Variants in TMPRSS4 observed in about 807,000 individuals in gnomAD.
TMPRSS4 encodes the protein transmembrane serine protease 4.
TMPRSS4 carries 45 observed loss-of-function variants against 56.4 expected under a neutral mutation model. That is an observed-to-expected ratio of 0.80 (90% CI 0.63 to 1.02). The LOEUF (loss-of-function observed/expected upper bound fraction) is 1.02, where lower values mean the gene tolerates loss of function less well. Ranked by LOEUF, TMPRSS4 falls within the 50% of genes least tolerant of loss-of-function variation. The pLI is 0.00. For missense variants in TMPRSS4, 546 were observed against 556.7 expected, an observed-to-expected ratio of 0.98 and a Z score of 0.19; for synonymous variants, 205 against 211.0, an observed-to-expected ratio of 0.97 and a Z score of 0.25.
chr11:118,122,715 C>CA (rs1177238182), downstream of TMPRSS4, among the ~76,000 whole-genome samples: 1 of 152,096 alleles, frequency 6.6e-6, no homozygotes, highest in Non-Finnish European at 1.5e-5. Context: ...GACAGGAAGC[C>CA]ATCATTGGCA....
chr11:118,094,982 C>T, intron 2 of TMPRSS4, 127 bp downstream of exon 2: 1 of 946,202 alleles, frequency 1.1e-6, no homozygotes, highest in South Asian at 1.4e-5. Context: ...TGAGTGACAT[C>T]CAGTCACCCG....
At chr11:118,085,623 G>T (rs10892210) in intron 1 of TMPRSS4, among the ~76,000 whole-genome samples, 53,608 of 152,038 alleles carry the variant, frequency 0.35, 9,952 homozygotes, top group South Asian at 0.52. Flanking sequence ...TGGATGGCAG[G>T]TCCTCAGTTC....
chr11:118,084,265 C>T (rs78081857), intron 1 of TMPRSS4, among the ~76,000 whole-genome samples: 2,545 of 152,272 alleles, frequency 0.017, 99 homozygotes, highest in East Asian at 0.16. Flanking sequence ...CAGGATTCCA[C>T]GGCCTGTGCT....
chr11:118,114,787 T>C lies in TMPRSS4; in HGVS notation c.911-42T>C, dbSNP rs911589448. The C allele has an allele frequency of 3.3e-6, 5 of 1,530,186 alleles. No homozygotes were observed. In the African/African-American group the frequency reaches 4.1e-5, roughly 13 times the overall value. The allele number at this position is 1,530,186 out of a possible 1,614,324, so 94.8% of individuals were successfully genotyped here. A position where few individuals can be genotyped will look rare whatever the true frequency, so the allele number is the denominator to read the frequency against. On this transcript the variant is annotated intron_variant, in intron 9 of 12. Coordinates refer to ENST00000437212, the MANE Select transcript of TMPRSS4 (RefSeq NM_019894.4). ...ATAATTTACAGAAAATTAACACTTA[T>C]GATGAATAAAAGATCTCCTTCTTCC... is the stretch of plus-strand genomic sequence containing the variant.
chr11:118,112,970 T>C (rs1464903027), intron 8 of TMPRSS4, among the ~76,000 whole-genome samples: 4 of 151,990 alleles, frequency 2.6e-5, no homozygotes, highest in African/African-American at 9.7e-5. Context: ...TGAGAAAGGT[T>C]GGAGGAGAGA....
chr11:118,117,512 G>A (rs1431851227), intron 12 of TMPRSS4, 58 bp downstream of exon 12: 2 of 1,550,836 alleles, frequency 1.3e-6, no homozygotes, highest in East Asian at 2.3e-5. Flanking sequence ...CCTGGGGGGT[G>A]CCAATCCATC....
chr11:118,101,174 G>A (rs1229569094), intron 3 of TMPRSS4, among the ~76,000 whole-genome samples: 1 of 152,150 alleles, frequency 6.6e-6, no homozygotes, highest in Non-Finnish European at 1.5e-5. Context: ...GTGTGCCCTG[G>A]GAAAATAAAG....
At chr11:118,112,337 C>T (rs1947316491) in intron 8 of TMPRSS4, among the ~76,000 whole-genome samples, 1 of 149,124 alleles carries the variant, frequency 6.7e-6, no homozygotes, top group Admixed American at 6.7e-5. Context: ...ACAGAGAAGC[C>T]TGGCCTTACC....
chr11:118,103,253 G>A lies in TMPRSS4; in HGVS notation c.310G>A (p.Val104Ile). The change falls in exon 4 of 13, where the codon GTC becomes ATC. Residue 104 changes from valine (V) to isoleucine (I), a missense_variant and splice_region_variant. Transcript: ENST00000437212. ...CTTCCCCGAAGGGCCTGCAGTGGCA[G>A]GTGAGTGCAGGGTCTGAGGCACAAG... is the stretch of plus-strand genomic sequence containing the variant. ...KSFPEGPAVA[V>I]RLSKDRSTLQ... 1 of 1,613,074 alleles carries A rather than the reference G, an allele frequency of 6.2e-7. No homozygotes were observed. Among genetic ancestry groups the A allele is most frequent in the Non-Finnish European group, 8.5e-7 (1 of 1,179,760 alleles).
chr11:118,113,078 C>T (rs1721451661), intron 8 of TMPRSS4, among the ~76,000 whole-genome samples, 191 bp from the exon 9 acceptor site: 1 of 151,984 alleles, frequency 6.6e-6, no homozygotes, highest in Non-Finnish European at 1.5e-5. Flanking sequence ...AGGGTCAAAT[C>T]CCTTTTTCGA....
intron 5 of TMPRSS4, among the ~76,000 whole-genome samples, chr11:118,105,339 G>A (rs1375952046): frequency 3.9e-5 from 6 of 152,162 alleles, no homozygotes; most frequent in Admixed American, 2.0e-4. Flanking sequence ...ATGAAAAGGT[G>A]TAAGATGATA....
At chr11:118,115,750 G>C (rs1248273019) in intron 11 of TMPRSS4, among the ~76,000 whole-genome samples, 3 of 152,166 alleles carry the variant, frequency 2.0e-5, no homozygotes, top group African/African-American at 7.2e-5. Context: ...TTGAACCCAG[G>C]AGGCAGAGGT....
intron 3 of TMPRSS4, among the ~76,000 whole-genome samples, chr11:118,100,206 T>C (rs1369568684): frequency 1.3e-5 from 2 of 152,192 alleles, no homozygotes; most frequent in Admixed American, 6.5e-5. Flanking sequence ...ACCAGTGAGA[T>C]AACACATGTA....
intron 1 of TMPRSS4, among the ~76,000 whole-genome samples, chr11:118,086,525 G>A (rs1004955629): frequency 6.6e-6 from 1 of 152,384 alleles, no homozygotes; most frequent in Admixed American, 6.5e-5. Flanking sequence ...ATTTCTGCGT[G>A]AGAGCTTAGA....
chr11:118,123,355 T>C (rs1287370373), downstream of TMPRSS4, among the ~76,000 whole-genome samples: 1 of 152,228 alleles, frequency 6.6e-6, no homozygotes, highest in Non-Finnish European at 1.5e-5. Context: ...ATAAATCTTT[T>C]AGATCTAATT....
At chr11:118,113,582 T>C (rs1947394269) in intron 9 of TMPRSS4, 147 bp downstream of exon 9, 2 of 861,702 alleles carry the variant, frequency 2.3e-6, no homozygotes, top group Non-Finnish European at 3.5e-6. Context: ...CAGCCTAACA[T>C]CACTGATGCC....
At position 118,119,706 on chromosome 11, in the gene TMPRSS4, G is replaced by C. The variant is rs1437769056; in HGVS notation, c.*1793G>C. 6.6e-6 allele frequency: 1 copy of C among 152,168 alleles called. No individual in the cohort carries two copies. The highest frequency in any genetic ancestry group is 1.5e-5 in the Non-Finnish European group (1 of 68,046). The allele number at this position is 152,168 out of a possible 1,614,324, so 9.4% of individuals were successfully genotyped here. A position where few individuals can be genotyped will look rare whatever the true frequency, so the allele number is the denominator to read the frequency against. On this transcript the variant is annotated 3_prime_UTR_variant, in exon 13 of 13. Coordinates refer to ENST00000437212, the MANE Select transcript of TMPRSS4 (RefSeq NM_019894.4). ...CACAAAGTGGTTAAGCTCCTTGCCTGAGATTATAGACTGTAAGTTGAACGT... is the reference window on the plus strand; with the variant it reads ...CACAAAGTGGTTAAGCTCCTTGCCTCAGATTATAGACTGTAAGTTGAACGT...
chr11:118,114,818 GCTC>G lies in TMPRSS4; in HGVS notation c.911-8_911-6del, dbSNP rs759672422. ...ATAAAAGATCTCCTTCTTCCTCTGTGCTCCTGGCAGGCACAGTCAGGCCCATCT... is the reference window on the plus strand; with the variant it reads ...ATAAAAGATCTCCTTCTTCCTCTGTGCTGGCAGGCACAGTCAGGCCCATCT... On this transcript the variant is annotated splice_polypyrimidine_tract_variant and splice_region_variant and intron_variant, in intron 9 of 12. Coordinates refer to ENST00000437212, the MANE Select transcript of TMPRSS4 (RefSeq NM_019894.4). 1.3e-6 allele frequency: 2 copies of G among 1,597,276 alleles called. No homozygotes were observed. The highest frequency in any genetic ancestry group is 4.5e-5 in the East Asian group (2 of 44,668).
rs5795113 is a variant in TMPRSS4 at position 118,112,824 on chromosome 11, C to CTT, written c.744-427_744-426dup. On this transcript the variant is annotated intron_variant, in intron 8 of 12. Transcript: ENST00000437212. The stretch of plus-strand genomic sequence containing the variant: ...GATCTAGGCCAGCGTTTTTTAACCA[C>CTT]TTTTTTTTTTTTTTTTTTTGAGATT... Among the ~76,000 whole-genome samples, 1,002 of 128,392 alleles carry CTT rather than the reference C, an allele frequency of 7.8e-3. 14 individuals carry two copies. Among genetic ancestry groups the CTT allele is most frequent in the African/African-American group, 0.01 (347 of 34,512 alleles). The allele number at this position is 128,392 out of a possible 152,430, so 84.2% of individuals were successfully genotyped here.
Sources: allele counts gnomAD v4.1 joint callset (sites outside exome capture counted in the v4.1 genomes callset), GRCh38; gene constraint gnomAD v4.1.1; transcripts MANE v1.5; gene names NCBI Gene and HGNC (gene_info 2026-07-23, HGNC 2026-07-21).